The following SPAG16 variants were observed in gnomAD, a reference collection of about 807,000 sequenced individuals.
The protein encoded by SPAG16 is sperm-associated antigen 16 protein.
Under a neutral mutation model 80.4 loss-of-function variants are expected in SPAG16, and 86 were observed. The ratio of observed to expected loss-of-function variants is 1.07; its 90% CI spans 0.90 to 1.28. The LOEUF (loss-of-function observed/expected upper bound fraction) is 1.28, where lower values mean the gene tolerates loss of function less well. Among genes scored for constraint, SPAG16 ranks in the 50% most tolerant of loss-of-function variants. The pLI, the probability that SPAG16 is intolerant of heterozygous loss-of-function variation, is 0.00. For missense variants in SPAG16, 870 were observed against 765.3 expected (o/e 1.14, Z -1.61); for synonymous variants, 294 against 265.9 (o/e 1.11, Z -1.03).
At chr2:213,736,485 G>T (rs1219310912) in intron 10 of SPAG16, among the ~76,000 whole-genome samples, 3 of 151,558 alleles carry the variant, frequency 2.0e-5, no homozygotes, top group Non-Finnish European at 4.4e-5. Flanking sequence ...ACAGGGTTTC[G>T]CCATGTTGGC....
intron 7 of SPAG16, among the ~76,000 whole-genome samples, chr2:213,359,325 GT>G (rs1427135517): frequency 2.6e-5 from 4 of 152,176 alleles, no homozygotes; most frequent in South Asian, 2.1e-4. Flanking sequence ...CAGACATGGG[GT>G]TTAAGTCTGC....
intron 10 of SPAG16, among the ~76,000 whole-genome samples, chr2:213,753,211 A>C (rs2068162386): frequency 6.6e-6 from 1 of 152,060 alleles, no homozygotes; most frequent in Non-Finnish European, 1.5e-5. Context: ...ATGGGGTTTC[A>C]CTTTGTTAGC....
intron 10 of SPAG16, among the ~76,000 whole-genome samples, chr2:213,577,230 G>A (rs941405552): frequency 2.0e-5 from 3 of 152,004 alleles, no homozygotes; most frequent in African/African-American, 4.8e-5. Context: ...ATATTCTGTG[G>A]CAACATAATC....
At chr2:214,183,157 A>G (rs2057358711) in intron 15 of SPAG16, among the ~76,000 whole-genome samples, 1 of 151,954 alleles carries the variant, frequency 6.6e-6, no homozygotes, top group Non-Finnish European at 1.5e-5. Flanking sequence ...CGCTTCCCTC[A>G]CTTTGAAAAT....
chr2:213,775,237 C>T lies in SPAG16; in HGVS notation c.1071-87248C>T, dbSNP rs1231152741. 2.6e-5 allele frequency among the ~76,000 whole-genome samples: 4 copies of T among 152,210 alleles called. No individual in the cohort carries two copies. The East Asian group carries it at 5.8e-4, about 22-fold the overall frequency. On this transcript the variant is annotated intron_variant, in intron 10 of 15. Transcript: ENST00000331683. ...CAGTTCTTTGCTGGGCTTTATAAATCATAATTGTATATACCATTTTGTATT... is the reference window on the plus strand; with the variant it reads ...CAGTTCTTTGCTGGGCTTTATAAATTATAATTGTATATACCATTTTGTATT...
chr2:213,869,265 A>AAAAAAAAAAAAAAAATATATATATACT (rs1491244962), intron 11 of SPAG16, among the ~76,000 whole-genome samples: 1 of 24,806 alleles, frequency 4.0e-5, no homozygotes, highest in Non-Finnish European at 2.8e-4. Context: ...AAAAAAAAAA[A>AAAAAAAAAAAAAAAATATATATATACT]TATATATATA....
chr2:213,860,905 C>A (rs531247431), intron 10 of SPAG16, among the ~76,000 whole-genome samples: 1 of 152,254 alleles, frequency 6.6e-6, no homozygotes, highest in African/African-American at 2.4e-5. Flanking sequence ...TTCAGTTTGC[C>A]TTCTTGTGTG....
chr2:213,974,382 A>G lies in SPAG16; in HGVS notation c.1401-39569A>G, dbSNP rs569979093. Among the ~76,000 whole-genome samples, 17 of 152,194 alleles carry G rather than the reference A, an allele frequency of 1.1e-4. No individual in the cohort carries two copies. In the South Asian group the frequency reaches 3.5e-3, roughly 32 times the overall value. ...AGACTTTTGAAATCTAGGAACTCTT[A>G]GTTTAAGTCAATAAATAAAAGATTT... On this transcript the variant is annotated intron_variant, in intron 12 of 15. Transcript: ENST00000331683.
chr2:213,741,520 A>G (rs546894530), intron 10 of SPAG16, among the ~76,000 whole-genome samples: 1 of 152,330 alleles, frequency 6.6e-6, no homozygotes, highest in East Asian at 1.9e-4. Flanking sequence ...ATAAAATGAT[A>G]CACAGAGATG....
intron 15 of SPAG16, among the ~76,000 whole-genome samples, chr2:214,314,957 A>AT (rs1182023849): frequency 2.1e-5 from 3 of 141,932 alleles, no homozygotes; most frequent in Admixed American, 7.3e-5. Context: ...ATGATACTGT[A>AT]TTAAAAAAAA....
At chr2:213,368,431 A>G (rs1371159625) in intron 8 of SPAG16, among the ~76,000 whole-genome samples, 2 of 152,192 alleles carry the variant, frequency 1.3e-5, no homozygotes, top group African/African-American at 2.4e-5. Flanking sequence ...AATAAGAGCT[A>G]TTTATGACAA....
chr2:213,742,551 T>C (rs1016024895), intron 10 of SPAG16, among the ~76,000 whole-genome samples: 2 of 21,468 alleles, frequency 9.3e-5, no homozygotes, highest in African/African-American at 1.3e-4. Flanking sequence ...TTATTTCTTT[T>C]TTTTTTTTTT....
intron 9 of SPAG16, among the ~76,000 whole-genome samples, chr2:213,459,981 ATTG>A (rs2072267256): frequency 6.6e-6 from 1 of 152,174 alleles, no homozygotes; most frequent in Admixed American, 6.5e-5. Flanking sequence ...ACAGTATATT[ATTG>A]TTGAAAAATC....
Position 213,367,287 on chromosome 2 carries a change from C to T in SPAG16, c.832+3142C>T, listed in dbSNP as rs2066357395. ...TCTTTACAGCAGCATGATTTATAAT[C>T]CTTTGGGTATATACCCAGTAATGGG... On this transcript the variant is annotated intron_variant, in intron 8 of 15. Coordinates refer to ENST00000331683, the MANE Select transcript of SPAG16 (RefSeq NM_024532.5). 2.0e-5 allele frequency among the ~76,000 whole-genome samples: 3 copies of T among 151,598 alleles called. No individual in the cohort carries two copies. In the South Asian group the frequency reaches 6.3e-4, roughly 32 times the overall value.
chr2:214,044,946 T>G (rs1402275445), intron 13 of SPAG16, among the ~76,000 whole-genome samples: 2 of 152,084 alleles, frequency 1.3e-5, no homozygotes, highest in Non-Finnish European at 2.9e-5. Flanking sequence ...CTAAATAAAC[T>G]TGAAAGGTAG....
intron 10 of SPAG16, among the ~76,000 whole-genome samples, chr2:213,692,013 G>A (rs953856108): frequency 6.6e-6 from 1 of 152,140 alleles, no homozygotes; most frequent in South Asian, 2.1e-4. Flanking sequence ...AAATTAAGAT[G>A]TCAACAAATA....
chr2:213,446,836 C>T (rs2071350660), intron 9 of SPAG16, among the ~76,000 whole-genome samples: 1 of 152,166 alleles, frequency 6.6e-6, no homozygotes, highest in African/African-American at 2.4e-5. Flanking sequence ...CCCTCTGTGC[C>T]TCAGACATGC....
intron 10 of SPAG16, among the ~76,000 whole-genome samples, chr2:213,773,572 T>A (rs1003214013): frequency 6.6e-6 from 1 of 152,158 alleles, no homozygotes; most frequent in Non-Finnish European, 1.5e-5. Flanking sequence ...TTTCCTTTTT[T>A]GATGGAGTCT....
chr2:213,809,984 G>A (rs1439863507), intron 10 of SPAG16, among the ~76,000 whole-genome samples: 2 of 152,148 alleles, frequency 1.3e-5, no homozygotes, highest in African/African-American at 4.8e-5. Flanking sequence ...CATACACCAT[G>A]GCACCCACGC....
Sources: gnomAD v4.1 joint callset for allele counts (sites outside exome capture counted in the v4.1 genomes callset) on GRCh38, gnomAD v4.1.1 for gene constraint, MANE v1.5 for transcripts, NCBI Gene and HGNC (gene_info 2026-07-23, HGNC 2026-07-21) for gene names.